The following USP4 variants were observed in gnomAD, a reference collection of about 807,000 sequenced individuals.
USP4 encodes the protein ubiquitin carboxyl-terminal hydrolase 4.
In USP4, 72 loss-of-function variants were observed where a neutral mutation model predicts 118.2. The ratio of observed to expected loss-of-function variants is 0.61; its 90% confidence interval spans 0.50 to 0.74. The LOEUF is 0.74. Among genes scored for constraint, USP4 ranks in the 30% least tolerant of loss-of-function variants. USP4 has a pLI of 0.00. For synonymous variants in USP4, 415 were observed against 440.4 expected (o/e 0.94, Z 0.72); for missense variants, 1,037 against 1,185.7 (o/e 0.87, Z 1.84).
At chr3:49,307,484 T>C (rs2047331426) in intron 8 of USP4, among the ~76,000 whole-genome samples, 2 of 151,996 alleles carry the variant, frequency 1.3e-5, no homozygotes, top group African/African-American at 4.8e-5. Flanking sequence ...GATAGGGTCT[T>C]GCTTATGTTA....
Position 49,286,084 on chromosome 3 carries a change from GA to G in USP4, c.2200+13del, listed in dbSNP as rs776381838. 6.2e-6 allele frequency: 10 copies of G among 1,613,580 alleles called. No individual in the cohort carries two copies. The highest frequency in any genetic ancestry group is 8.5e-6 in the Non-Finnish European group (10 of 1,179,516). ...CCCTAAAGCCCAGCTTGAAAGGTCA[GA>G]AAAAGTGCTTACAGTTGAGTTTAAG... On this transcript the variant is annotated intron_variant, in intron 16 of 21. Coordinates refer to ENST00000265560, the MANE Select transcript of USP4 (RefSeq NM_003363.4).
intron 2 of USP4, among the ~76,000 whole-genome samples, chr3:49,328,766 A>G (rs1022227232): frequency 2.0e-5 from 3 of 152,082 alleles, no homozygotes; most frequent in Admixed American, 6.6e-5. Context: ...AGGCTGAGGC[A>G]TAAGAATTGC....
At chr3:49,302,786 G>A (rs1209873386) in intron 9 of USP4, among the ~76,000 whole-genome samples, 1 of 152,148 alleles carries the variant, frequency 6.6e-6, no homozygotes, top group Non-Finnish European at 1.5e-5. Context: ...TAAGTCCTAA[G>A]GAGGAAGGGT....
At chr3:49,321,515 T>C (rs764514243) in intron 6 of USP4, among the ~76,000 whole-genome samples, 19 of 151,918 alleles carry the variant, frequency 1.3e-4, no homozygotes, top group Middle Eastern at 3.4e-3. Flanking sequence ...AGTCTCACTG[T>C]ATCGCCCAAG....
intron 20 of USP4, chr3:49,279,114 C>T: frequency 3.0e-6 from 1 of 336,204 alleles, no homozygotes; most frequent in Non-Finnish European, 5.4e-6. Flanking sequence ...AAAAATGGAG[C>T]TGTCAGGGAC....
intron 16 of USP4, among the ~76,000 whole-genome samples, chr3:49,285,256 A>G (rs1429278817): frequency 6.6e-6 from 1 of 152,018 alleles, no homozygotes; most frequent in Non-Finnish European, 1.5e-5. Flanking sequence ...GGATGAAACA[A>G]TTGTTTTCAG....
chr3:49,298,717 G>A (rs1575606447), intron 11 of USP4, 82 bp from the exon 12 acceptor site: 2 of 1,222,352 alleles, frequency 1.6e-6, no homozygotes, highest in East Asian at 2.3e-5. Context: ...CATCACTAGG[G>A]GCAGAGGAGC....
intron 2 of USP4, among the ~76,000 whole-genome samples, chr3:49,333,168 G>A (rs1036745162): frequency 1.4e-5 from 2 of 147,004 alleles, no homozygotes; most frequent in South Asian, 2.1e-4. Flanking sequence ...TTTTGAGATG[G>A]AGTCTCACTT....
At chr3:49,300,232 C>T (rs1559469881) in intron 11 of USP4, among the ~76,000 whole-genome samples, 4 of 150,808 alleles carry the variant, frequency 2.7e-5, no homozygotes, top group South Asian at 2.1e-4. Context: ...GGCAACAGAG[C>T]GACTCTGTCT....
intron 8 of USP4, 145 bp downstream of exon 8, chr3:49,310,475 G>T: frequency 1.4e-6 from 1 of 715,616 alleles, no homozygotes; most frequent in East Asian, 2.5e-5. Flanking sequence ...ACCACCTAGT[G>T]GGAGATGCCC....
At chr3:49,335,426 T>C (rs532067722) in intron 2 of USP4, 43 bp downstream of exon 2, 3 of 1,613,746 alleles carry the variant, frequency 1.9e-6, no homozygotes, top group East Asian at 4.5e-5. Context: ...ATCAGGCCAC[T>C]GCCCAGGTGA....
At chr3:49,281,152 C>CT (rs1424311174) in intron 19 of USP4, among the ~76,000 whole-genome samples, 2 of 151,982 alleles carry the variant, frequency 1.3e-5, no homozygotes, top group African/African-American at 4.8e-5. Context: ...GAAATCCCGT[C>CT]TCTGCTAAAA....
intron 16 of USP4, among the ~76,000 whole-genome samples, chr3:49,285,266 G>A (rs1349949444): frequency 6.6e-6 from 1 of 151,552 alleles, no homozygotes; most frequent in Non-Finnish European, 1.5e-5. Flanking sequence ...ATTGTTTTCA[G>A]ACATTGGATA....
Position 49,327,755 on chromosome 3 carries a change from A to T in USP4, c.291T>A (p.Pro97=). 6.2e-7 allele frequency: 1 copy of T among 1,613,808 alleles called. No homozygotes were observed. Among genetic ancestry groups the T allele is most frequent in the Non-Finnish European group, 8.5e-7 (1 of 1,179,686 alleles). ...TTAGTAGTTTATTCCACGCCTCGGTAGGGACCAATACATAGTCCAATTCAT... is the reference window on the plus strand; with the variant it reads ...TTAGTAGTTTATTCCACGCCTCGGTTGGGACCAATACATAGTCCAATTCAT... ...LIDELDYVLV[P]TEAWNKLLNW... is the part of the protein sequence containing the mutation. The change falls in exon 3 of 22, where the codon CCT becomes CCA. Residue 97 remains proline (P), a synonymous_variant. Coordinates refer to ENST00000265560, the MANE Select transcript of USP4 (RefSeq NM_003363.4).
chr3:49,338,300 C>G (rs1202361782), intron 1 of USP4, among the ~76,000 whole-genome samples: 1 of 152,034 alleles, frequency 6.6e-6, no homozygotes, highest in Non-Finnish European at 1.5e-5. Context: ...TGATTTTAGT[C>G]TATCTTAAAC....
chr3:49,328,235 G>A (rs191897383), intron 2 of USP4, among the ~76,000 whole-genome samples: 4 of 152,102 alleles, frequency 2.6e-5, no homozygotes, highest in Admixed American at 2.6e-4. Context: ...GCGGGCACCT[G>A]TAGTCCCAGC....
intron 11 of USP4, among the ~76,000 whole-genome samples, chr3:49,299,396 CTT>C (rs759272476): frequency 4.8e-5 from 6 of 126,070 alleles, no homozygotes; most frequent in South Asian, 2.7e-4. Flanking sequence ...CCTGCCTCAA[CTT>C]TTTTTTTTTT....
chr3:49,328,404 C>T (rs1174220994), intron 2 of USP4, among the ~76,000 whole-genome samples: 1 of 152,050 alleles, frequency 6.6e-6, no homozygotes, highest in Non-Finnish European at 1.5e-5. Flanking sequence ...CCCACCATCC[C>T]TCCGACTAGT....
At chr3:49,326,343 T>C (rs983299442) in intron 3 of USP4, among the ~76,000 whole-genome samples, 1 of 152,004 alleles carries the variant, frequency 6.6e-6, no homozygotes, top group African/African-American at 2.4e-5. Context: ...ATATATTTTT[T>C]TTCTACCCAC....
Sources: allele counts gnomAD v4.1 joint callset (sites outside exome capture counted in the v4.1 genomes callset), GRCh38; gene constraint gnomAD v4.1.1; transcripts MANE v1.5; gene names NCBI Gene and HGNC (gene_info 2026-07-23, HGNC 2026-07-21).